Variants in FHOD3 observed in about 807,000 individuals in gnomAD.
FHOD3 encodes the protein formin homology 2 domain containing 3, also known as FH1/FH2 domain-containing protein 3.
In FHOD3, 90 loss-of-function variants were observed where a neutral mutation model predicts 173.0. The observed-to-expected ratio is 0.52, with a 90% confidence interval of 0.44 to 0.62. The LOEUF is 0.62. FHOD3 is among the 20% of genes least tolerant of loss of function. The pLI is 0.00. For synonymous variants in FHOD3, 828 were observed against 823.0 expected, an observed-to-expected ratio of 1.01 and a Z score of -0.10; for missense variants, 1,945 against 2,034.7, an observed-to-expected ratio of 0.96 and a Z score of 0.85.
intron 5 of FHOD3, among the ~76,000 whole-genome samples, chr18:36,574,968 C>CT (rs1378944406): frequency 3.3e-5 from 5 of 150,556 alleles, no homozygotes; most frequent in East Asian, 3.9e-4. Context: ...TTTCTTTTTT[C>CT]TCTTTTTTTT....
intron 5 of FHOD3, among the ~76,000 whole-genome samples, chr18:36,555,419 C>T (rs1297742078): frequency 6.6e-6 from 1 of 150,770 alleles, no homozygotes; most frequent in Non-Finnish European, 1.5e-5. Flanking sequence ...CTTTATATGA[C>T]TTCAATCCTT....
At chr18:36,355,897 T>G (rs1309362128) in intron 2 of FHOD3, among the ~76,000 whole-genome samples, 3 of 152,198 alleles carry the variant, frequency 2.0e-5, no homozygotes, top group Non-Finnish European at 2.9e-5. Flanking sequence ...CACATGGTAT[T>G]TATATGCTAA....
At chr18:36,719,637 A>G (rs1404444316) in intron 19 of FHOD3, among the ~76,000 whole-genome samples, 2 of 152,256 alleles carry the variant, frequency 1.3e-5, no homozygotes, top group Admixed American at 6.5e-5. Flanking sequence ...GCTTATAATC[A>G]TGAATTAATT....
At chr18:36,533,951 T>G (rs577416895) in intron 5 of FHOD3, among the ~76,000 whole-genome samples, 1 of 152,226 alleles carries the variant, frequency 6.6e-6, no homozygotes, top group Non-Finnish European at 1.5e-5. Flanking sequence ...CTGGACTAAC[T>G]TCCCATCCAT....
chr18:36,570,100 A>G (rs865986962), intron 5 of FHOD3, among the ~76,000 whole-genome samples: 1 of 152,122 alleles, frequency 6.6e-6, no homozygotes, highest in African/African-American at 2.4e-5. Context: ...GAGAAAATCA[A>G]TGAAACAAAA....
chr18:36,621,700 G>A (rs183586361), intron 9 of FHOD3, among the ~76,000 whole-genome samples: 2 of 152,318 alleles, frequency 1.3e-5, no homozygotes, highest in East Asian at 3.9e-4. Flanking sequence ...GCTTTCATGG[G>A]TGATGAGCAC....
rs112922677 is a variant in FHOD3, at chr18:36,705,331, C to A, written c.2237-3764C>A. On this transcript the variant is annotated intron_variant, in intron 17 of 28. Coordinates refer to ENST00000590592, the MANE Select transcript of FHOD3 (RefSeq NM_001281740.3). ...TGCCTGCATGTGCACTTCCCTCTGC[C>A]CAGGGCATTCTCAGCATTTCCCCCC... Among the ~76,000 whole-genome samples the A allele has an allele frequency of 4.6e-4, 70 of 152,298 alleles. 1 individual carries two copies. The highest frequency in any genetic ancestry group is 1.5e-3 in the African/African-American group (63 of 41,568).
At chr18:36,298,216 A>T (rs1180250287) in intron 1 of FHOD3, among the ~76,000 whole-genome samples, 1 of 151,722 alleles carries the variant, frequency 6.6e-6, no homozygotes, top group Non-Finnish European at 1.5e-5. Context: ...GGGAAGGAAC[A>T]GCTAGAGCCG....
chr18:36,470,244 T>G (rs1292671885), intron 3 of FHOD3, among the ~76,000 whole-genome samples: 2 of 152,192 alleles, frequency 1.3e-5, no homozygotes, highest in Non-Finnish European at 2.9e-5. Context: ...TGCTCACCAT[T>G]GTCTGCCCAA....
intron 5 of FHOD3, among the ~76,000 whole-genome samples, chr18:36,531,487 C>T (rs1415353629): frequency 6.6e-6 from 1 of 152,208 alleles, no homozygotes; most frequent in Non-Finnish European, 1.5e-5. Context: ...TGAGCTGCCC[C>T]TCCATGTTCT....
intron 3 of FHOD3, among the ~76,000 whole-genome samples, chr18:36,437,304 A>G (rs1428678216): frequency 1.3e-5 from 2 of 152,108 alleles, no homozygotes; most frequent in Non-Finnish European, 2.9e-5. Context: ...TTTTGTAGAG[A>G]TGGGGTTTCA....
intron 3 of FHOD3, among the ~76,000 whole-genome samples, chr18:36,378,256 TTAAAAA>T (rs2047544912): frequency 6.6e-6 from 1 of 152,072 alleles, no homozygotes; most frequent in African/African-American, 2.4e-5. Flanking sequence ...GCTTGGTCCT[TTAAAAA>T]TAAAAATAAA....
chr18:36,697,946 T>C (rs980922336), intron 17 of FHOD3, among the ~76,000 whole-genome samples: 2 of 152,182 alleles, frequency 1.3e-5, no homozygotes, highest in East Asian at 3.8e-4. Flanking sequence ...GTAGGGACTC[T>C]CTGAGGTTAT....
chr18:36,402,281 C>T (rs1374028069), intron 3 of FHOD3, among the ~76,000 whole-genome samples: 2 of 152,164 alleles, frequency 1.3e-5, no homozygotes, highest in South Asian at 4.1e-4. Context: ...CCTTCTTGAG[C>T]GTAGCTGGCT....
intron 3 of FHOD3, among the ~76,000 whole-genome samples, chr18:36,455,722 C>T (rs904613084): frequency 1.6e-4 from 24 of 152,182 alleles, no homozygotes; most frequent in African/African-American, 4.6e-4. Context: ...GTGAGTTAAC[C>T]GTCATTGGAG....
At position 36,556,278 on chromosome 18, in the gene FHOD3, A is replaced by T. The variant is rs543232659; in HGVS notation, c.512-20173A>T. On this transcript the variant is annotated intron_variant, in intron 5 of 28. Coordinates refer to ENST00000590592, the MANE Select transcript of FHOD3 (RefSeq NM_001281740.3). ...AGATGTGTGGTCCACTTATATATGA[A>T]TTTTTTTTCAGTAAATACAGTTGGC... is the stretch of plus-strand genomic sequence containing the variant. Among the ~76,000 whole-genome samples, 237 of 152,008 alleles carry T rather than the reference A, an allele frequency of 1.6e-3. 2 individuals carry two copies. Among genetic ancestry groups the T allele is most frequent in the Non-Finnish European group, 2.6e-3 (176 of 67,972 alleles).
chr18:36,472,520 A>G (rs146344387), intron 3 of FHOD3, among the ~76,000 whole-genome samples: 69 of 152,286 alleles, frequency 4.5e-4, no homozygotes, highest in African/African-American at 1.4e-3. Flanking sequence ...GAACATTTTC[A>G]TCACCCCAAA....
chr18:36,623,919 C>T (rs1299311352), intron 9 of FHOD3, among the ~76,000 whole-genome samples: 3 of 152,302 alleles, frequency 2.0e-5, no homozygotes, highest in African/African-American at 4.8e-5. Flanking sequence ...CACATGAGGG[C>T]AGCTGATTTT....
At chr18:36,683,175 A>C (rs1008334755) in intron 15 of FHOD3, among the ~76,000 whole-genome samples, 1 of 152,326 alleles carries the variant, frequency 6.6e-6, no homozygotes, top group Non-Finnish European at 1.5e-5. Context: ...TAGTTCTGGA[A>C]GTTGTCACTT....
Sources: gnomAD v4.1 joint callset for allele counts (sites outside exome capture counted in the v4.1 genomes callset) on GRCh38, gnomAD v4.1.1 for gene constraint, MANE v1.5 for transcripts, NCBI Gene and HGNC (gene_info 2026-07-23, HGNC 2026-07-21) for gene names.